Variants in RBM47 observed in about 807,000 individuals in gnomAD.
RBM47 encodes the protein RNA binding motif protein 47.
RBM47 carries 21 observed loss-of-function variants against 47.1 expected under a neutral mutation model. The observed-to-expected ratio is 0.45, with a 90% confidence interval of 0.32 to 0.64. The LOEUF (loss-of-function observed/expected upper bound fraction) is 0.64. RBM47 is among the 30% of genes least tolerant of loss of function. RBM47 has a pLI of 0.05. For missense variants in RBM47, 708 were observed against 870.9 expected, an observed-to-expected ratio of 0.81 and a Z score of 2.35; for synonymous variants, 375 against 361.7, an observed-to-expected ratio of 1.04 and a Z score of -0.42.
chr4:40,589,718 C>T (rs534298908), intron 1 of RBM47, among the ~76,000 whole-genome samples: 3 of 152,336 alleles, frequency 2.0e-5, no homozygotes, highest in Non-Finnish European at 2.9e-5. Flanking sequence ...GGATTGCAGG[C>T]GTAAGCCACC....
chr4:40,472,492 G>A (rs1459438313), intron 2 of RBM47, among the ~76,000 whole-genome samples: 1 of 150,634 alleles, frequency 6.6e-6, no homozygotes, highest in Non-Finnish European at 1.5e-5. Flanking sequence ...AACCTGGGAG[G>A]TGGAGGTTGC....
In RBM47 at chr4:40,426,624, C is replaced by T. The variant is rs760957593; in HGVS notation, c.1543-481G>A. Among the ~76,000 whole-genome samples, 3 of 152,290 alleles carry T rather than the reference C, an allele frequency of 2.0e-5. No individual in the cohort carries two copies. In the South Asian group the frequency reaches 6.2e-4, roughly 32 times the overall value. ...TCCTGGCCTCAAGCAATCCTCCTGT[C>T]TCAGCCTCCCAAAGTCTTGGGACCC... is the stretch of plus-strand genomic sequence containing the variant. On this transcript the variant is annotated intron_variant, in intron 6 of 6. Transcript: ENST00000295971.
intron 1 of RBM47, among the ~76,000 whole-genome samples, chr4:40,557,107 G>T (rs1361597405): frequency 6.6e-6 from 1 of 152,130 alleles, no homozygotes; most frequent in East Asian, 1.9e-4. Flanking sequence ...ATTATTGGTG[G>T]AAGTAAAAGA....
chr4:40,507,129 A>G (rs367696870), intron 2 of RBM47, among the ~76,000 whole-genome samples: 24 of 151,732 alleles, frequency 1.6e-4, no homozygotes, highest in African/African-American at 4.6e-4. Flanking sequence ...ACAAATTTGT[A>G]TATTTTTAGT....
chr4:40,508,597 A>G (rs1577839110), intron 2 of RBM47, among the ~76,000 whole-genome samples: 2 of 152,354 alleles, frequency 1.3e-5, no homozygotes, highest in Admixed American at 1.3e-4. Context: ...GGCCAGATAC[A>G]AAAGAGTACA....
At chr4:40,547,853 C>T (rs6817468) in intron 1 of RBM47, among the ~76,000 whole-genome samples, 9,243 of 152,306 alleles carry the variant, frequency 0.061, 453 homozygotes, top group East Asian at 0.21. Context: ...TTTAAAAACA[C>T]CCATTATTAA....
At chr4:40,544,988 A>G (rs1336762418) in intron 1 of RBM47, among the ~76,000 whole-genome samples, 2 of 149,254 alleles carry the variant, frequency 1.3e-5, no homozygotes, top group Non-Finnish European at 3.0e-5. Context: ...TGAGCCTAGG[A>G]GTTCTGAGGC....
chr4:40,528,352 T>A (rs1254249148), intron 2 of RBM47, among the ~76,000 whole-genome samples: 1 of 151,708 alleles, frequency 6.6e-6, no homozygotes, highest in Non-Finnish European at 1.5e-5. Flanking sequence ...GAGGTTGCAG[T>A]GAGCTGAGAT....
At position 40,432,875 on chromosome 4, in the gene RBM47, C is replaced by T; in HGVS notation, c.1331-13G>A. 6.2e-7 allele frequency: 1 copy of T among 1,611,798 alleles called. No homozygotes were observed. Among genetic ancestry groups the T allele is most frequent in the Non-Finnish European group, 8.5e-7 (1 of 1,179,362 alleles). On this transcript the variant is annotated splice_polypyrimidine_tract_variant and intron_variant, in intron 5 of 6. Coordinates refer to ENST00000295971, the MANE Select transcript of RBM47 (RefSeq NM_001098634.2). ...GCAGGGATGGCTACTGCAAGAGAAGCAAGAAGGAAAAACAGGTCAATCACT... is the reference window on the plus strand; with the variant it reads ...GCAGGGATGGCTACTGCAAGAGAAGTAAGAAGGAAAAACAGGTCAATCACT...
At position 40,424,117 on chromosome 4, in the gene RBM47, G is replaced by C. The variant is rs1474003073; in HGVS notation, c.*1787C>G. The C allele has an allele frequency of 6.6e-6, 1 of 152,170 alleles. No individual in the cohort carries two copies. The highest frequency in any genetic ancestry group is 2.4e-5 in the African/African-American group (1 of 41,434). 9.4% of individuals were successfully genotyped at this position (152,170 alleles called of 1,614,324 possible). On this transcript the variant is annotated 3_prime_UTR_variant, in exon 7 of 7. Coordinates refer to ENST00000295971, the MANE Select transcript of RBM47 (RefSeq NM_001098634.2). ...CTCATTTCAAGATGAGGGGGAAAAAGGCATTTGGGAATCTCTTAATTTAAA... is the reference window on the plus strand; with the variant it reads ...CTCATTTCAAGATGAGGGGGAAAAACGCATTTGGGAATCTCTTAATTTAAA...
At chr4:40,517,311 A>C (rs1725697782) in intron 2 of RBM47, among the ~76,000 whole-genome samples, 1 of 152,014 alleles carries the variant, frequency 6.6e-6, no homozygotes, top group Non-Finnish European at 1.5e-5. Flanking sequence ...ATTTCTTTGT[A>C]GTTTTAGTAG....
chr4:40,511,640 G>A (rs558338499), intron 2 of RBM47, among the ~76,000 whole-genome samples: 1 of 152,272 alleles, frequency 6.6e-6, no homozygotes. Context: ...GTTGATCTTA[G>A]TTTCTTACAA....
chr4:40,619,582 C>T (rs1315539432), intron 1 of RBM47, among the ~76,000 whole-genome samples: 1 of 152,144 alleles, frequency 6.6e-6, no homozygotes, highest in Non-Finnish European at 1.5e-5. Flanking sequence ...GTTGCAAGGT[C>T]GGCCTTCTTT....
intron 1 of RBM47, among the ~76,000 whole-genome samples, chr4:40,588,819 G>T (rs936091600): frequency 6.6e-6 from 1 of 151,908 alleles, no homozygotes; most frequent in Non-Finnish European, 1.5e-5. Flanking sequence ...AACAAGGAGA[G>T]ACATTGGCAT....
intron 1 of RBM47, among the ~76,000 whole-genome samples, chr4:40,582,988 A>C (rs890309227): frequency 6.6e-6 from 1 of 152,230 alleles, no homozygotes; most frequent in African/African-American, 2.4e-5. Context: ...GCACATAGCA[A>C]GTGCTCAATA....
chr4:40,438,334 G>A lies in RBM47; in HGVS notation c.560C>T (p.Ala187Val). 2 of 1,609,526 alleles carry A rather than the reference G, an allele frequency of 1.2e-6. No individual in the cohort carries two copies. Among genetic ancestry groups the A allele is most frequent in the Non-Finnish European group, 1.7e-6 (2 of 1,179,912 alleles). Residue 187 changes from alanine to valine, a missense_variant, in exon 4 of 7, where the codon GCG (alanine) becomes GTG (valine). Physicochemically the swap from Ala to Val is moderately conservative, Grantham distance 64. Transcript: ENST00000295971. ...GCCGCGGTTCTTCATCTTGTCGGCCGCGCTGGCGTAGACGATCACGTCCAG... is the reference window on the plus strand; with the variant it reads ...GCCGCGGTTCTTCATCTTGTCGGCCACGCTGGCGTAGACGATCACGTCCAG... ...GVLDVIVYAS[A>V]ADKMKNRGFA...
At chr4:40,517,743 C>T (rs947978056) in intron 2 of RBM47, among the ~76,000 whole-genome samples, 8 of 152,110 alleles carry the variant, frequency 5.3e-5, no homozygotes, top group Non-Finnish European at 1.2e-4. Flanking sequence ...GTGAAAAGGA[C>T]GGCTGTGTCT....
intron 2 of RBM47, among the ~76,000 whole-genome samples, chr4:40,524,083 A>G (rs575283894): frequency 1.3e-5 from 2 of 152,300 alleles, no homozygotes; most frequent in Non-Finnish European, 2.9e-5. Context: ...TCTGTCTGTG[A>G]AGATGTCCAG....
intron 1 of RBM47, among the ~76,000 whole-genome samples, chr4:40,564,697 C>A (rs778002228): frequency 6.6e-6 from 1 of 152,170 alleles, no homozygotes; most frequent in Non-Finnish European, 1.5e-5. Flanking sequence ...ACAAAAAAAT[C>A]ACTGTCTAGC....
Sources: allele counts gnomAD v4.1 joint callset (sites outside exome capture counted in the v4.1 genomes callset), GRCh38; gene constraint gnomAD v4.1.1; transcripts MANE v1.5; gene names NCBI Gene and HGNC (gene_info 2026-07-23, HGNC 2026-07-21).